Variants in TRAM2 observed in about 807,000 individuals in gnomAD.
The protein encoded by TRAM2 is translocation associated membrane protein 2.
Under a neutral mutation model 51.0 loss-of-function variants are expected in TRAM2, and 12 were observed. That is an observed-to-expected ratio of 0.24 (90% CI 0.15 to 0.38). The LOEUF (loss-of-function observed/expected upper bound fraction) is 0.38. Among genes scored for constraint, TRAM2 ranks in the 10% least tolerant of loss-of-function variants. TRAM2 has a pLI of 1.00. For synonymous variants in TRAM2, 175 were observed against 179.4 expected, an observed-to-expected ratio of 0.98 and a Z score of 0.20; for missense variants, 361 against 462.0, an observed-to-expected ratio of 0.78 and a Z score of 2.00.
chr6:52,573,996 C>G (rs985380521), intron 1 of TRAM2, among the ~76,000 whole-genome samples: 2 of 152,120 alleles, frequency 1.3e-5, no homozygotes, highest in African/African-American at 4.8e-5. Flanking sequence ...GAATCCTAGC[C>G]AGGGCCAAGT....
intron 2 of TRAM2, chr6:52,523,934 C>A (rs1457216842): frequency 2.0e-5 from 3 of 152,234 alleles, no homozygotes; most frequent in African/African-American, 7.2e-5. Context: ...TGGGCCCTAC[C>A]CCAGGCCTAT....
At chr6:52,519,880 G>C (rs1202407569) in intron 2 of TRAM2, among the ~76,000 whole-genome samples, 4 of 151,648 alleles carry the variant, frequency 2.6e-5, no homozygotes, top group Non-Finnish European at 5.9e-5. Context: ...AGACTAAGTT[G>C]AATAAGTCAG....
chr6:52,505,471 C>T (rs1766330508), intron 9 of TRAM2, 128 bp downstream of exon 9: 1 of 1,325,752 alleles, frequency 7.5e-7, no homozygotes, highest in African/African-American at 1.5e-5. Context: ...GGCCTGATAT[C>T]CAGAGATTTC....
At chr6:52,549,581 A>C (rs941490913) in intron 1 of TRAM2, among the ~76,000 whole-genome samples, 1 of 152,230 alleles carries the variant, frequency 6.6e-6, no homozygotes, top group African/African-American at 2.4e-5. Context: ...AACAGTCAAG[A>C]AAGCCATTTC....
Position 52,564,412 on chromosome 6 carries a change from T to TAA in TRAM2, c.120+12382_120+12383dup, listed in dbSNP as rs1023197186. Among the ~76,000 whole-genome samples the TAA allele has an allele frequency of 3.6e-4, 55 of 152,130 alleles. 1 individual carries two copies. The highest frequency in any genetic ancestry group is 1.2e-3 in the African/African-American group (50 of 41,486). ...TGTCACCTTTCACCACTTCAACCCT[T>TAA]AACCAGCCCCTACCCAGCCCACTCT... On this transcript the variant is annotated intron_variant, in intron 1 of 10. Transcript: ENST00000182527.
chr6:52,548,120 C>T (rs1461386001), intron 1 of TRAM2, among the ~76,000 whole-genome samples: 1 of 152,186 alleles, frequency 6.6e-6, no homozygotes, highest in Non-Finnish European at 1.5e-5. Context: ...ATCAATTCTT[C>T]AATCACAAAA....
intron 1 of TRAM2, among the ~76,000 whole-genome samples, chr6:52,549,356 G>C (rs896013211): frequency 6.7e-6 from 1 of 148,694 alleles, no homozygotes; most frequent in Admixed American, 6.7e-5. Context: ...ATTCCAGCAT[G>C]GTGCGCATTT....
chr6:52,572,010 G>A (rs1767688571), intron 1 of TRAM2, among the ~76,000 whole-genome samples: 2 of 152,186 alleles, frequency 1.3e-5, no homozygotes, highest in African/African-American at 4.8e-5. Context: ...TTGTGCCAAG[G>A]AAAGAAACAG....
In TRAM2 at chr6:52,577,026, CACA is replaced by C; in HGVS notation, c.-114_-112del. The C allele has an allele frequency of 8.1e-7, 1 of 1,239,466 alleles. No homozygotes were observed. 76.8% of individuals were successfully genotyped at this position (1,239,466 alleles called of 1,614,324 possible). ...CCCGCCGGCCCGCCGCCCGCTCTCC[CACA>C]GCCGCTCGCCCGCCCAGCGCGGAAC... On this transcript the variant is annotated 5_prime_UTR_variant, in exon 1 of 11. Coordinates refer to ENST00000182527, the MANE Select transcript of TRAM2 (RefSeq NM_012288.4).
rs146414660 is a variant in TRAM2 at position 52,505,241 on chromosome 6, G to C, written c.875+358C>G. 3.3e-3 allele frequency among the ~76,000 whole-genome samples: 500 copies of C among 152,310 alleles called. 1 individual carries two copies. The highest frequency in any genetic ancestry group is 0.012 in the African/African-American group (487 of 41,560). ...AATAGTGGCTTCCTCACTGCCACAG[G>C]AGGCCACTGGCCAAGCCATTAAGCA... On this transcript the variant is annotated intron_variant, in intron 9 of 10. Transcript: ENST00000182527.
intron 2 of TRAM2, chr6:52,523,065 T>C (rs2114076323): frequency 3.7e-6 from 2 of 536,492 alleles, no homozygotes; most frequent in East Asian, 6.0e-5. Flanking sequence ...GCTTCTTCTT[T>C]TGTCTGAAAG....
chr6:52,565,517 T>G (rs1417421456), intron 1 of TRAM2, among the ~76,000 whole-genome samples: 2 of 152,090 alleles, frequency 1.3e-5, no homozygotes, highest in African/African-American at 2.4e-5. Context: ...CTAATACAAT[T>G]GTGGTGTCAC....
intron 1 of TRAM2, among the ~76,000 whole-genome samples, chr6:52,570,785 C>T (rs1767663254): frequency 9.9e-6 from 1 of 101,166 alleles, no homozygotes; most frequent in Non-Finnish European, 2.3e-5. Flanking sequence ...CCCAATCCTC[C>T]CTGCCCACCA....
intron 1 of TRAM2, among the ~76,000 whole-genome samples, chr6:52,572,606 T>A (rs1303512309): frequency 1.3e-5 from 2 of 152,342 alleles, no homozygotes; most frequent in African/African-American, 4.8e-5. Context: ...CCTTCTCAAG[T>A]TGATCCGTGT....
At chr6:52,535,188 T>C (rs1176234226) in intron 2 of TRAM2, among the ~76,000 whole-genome samples, 2 of 152,186 alleles carry the variant, frequency 1.3e-5, no homozygotes, top group African/African-American at 4.8e-5. Context: ...TCATGATGCC[T>C]CACATCCTGT....
intron 1 of TRAM2, among the ~76,000 whole-genome samples, chr6:52,556,170 A>G (rs1562487495): frequency 6.6e-6 from 1 of 151,878 alleles, no homozygotes; most frequent in Non-Finnish European, 1.5e-5. Flanking sequence ...GGGGGAGGGC[A>G]TTCATGGGCA....
At chr6:52,526,208 C>CGT (rs1766778955) in intron 2 of TRAM2, among the ~76,000 whole-genome samples, 4 of 147,186 alleles carry the variant, frequency 2.7e-5, no homozygotes, top group African/African-American at 1.0e-4. Flanking sequence ...CACACACACA[C>CGT]GCCAGAGAAT....
chr6:52,510,131 T>C (rs1270071326), intron 4 of TRAM2, among the ~76,000 whole-genome samples: 1 of 152,196 alleles, frequency 6.6e-6, no homozygotes, highest in East Asian at 1.9e-4. Context: ...CAGGACCCCA[T>C]AGGCCTCACC....
intron 2 of TRAM2, among the ~76,000 whole-genome samples, chr6:52,519,873 C>T (rs1393090650): frequency 6.6e-6 from 1 of 150,868 alleles, no homozygotes; most frequent in East Asian, 1.9e-4. Flanking sequence ...GGACATTAGA[C>T]TAAGTTGAAT....
Sources: allele counts gnomAD v4.1 joint callset (sites outside exome capture counted in the v4.1 genomes callset), GRCh38; gene constraint gnomAD v4.1.1; transcripts MANE v1.5; gene names NCBI Gene and HGNC (gene_info 2026-07-23, HGNC 2026-07-21).